Variants in KCTD20 observed in about 807,000 individuals in gnomAD.
The protein encoded by KCTD20 is potassium channel tetramerization domain containing 20, also known as BTB/POZ domain-containing protein KCTD20.
A neutral mutation model predicts 39.6 loss-of-function variants in KCTD20; 30 were observed. That is an observed-to-expected ratio of 0.76 (90% CI 0.57 to 1.03). KCTD20 has a LOEUF of 1.03. KCTD20 is among the 50% of genes least tolerant of loss of function. KCTD20 has a pLI of 0.00. For missense variants in KCTD20, 422 were observed against 522.0 expected (o/e 0.81, Z 1.87); for synonymous variants, 162 against 180.6 (o/e 0.90, Z 0.83).
intron 1 of KCTD20, among the ~76,000 whole-genome samples, chr6:36,457,824 G>C (rs79290516): frequency 1.3e-5 from 2 of 152,164 alleles, no homozygotes; most frequent in African/African-American, 4.8e-5. Flanking sequence ...ATGTTTTTCC[G>C]GGGGTAGGAT....
rs1776483675 is a variant in KCTD20, at chr6:36,488,243, AAATAGCCT to A, written c.*1075_*1082del. ...GGATATCAGTGTATTTTGGTTCTTG[AAATAGCCT>A]AATAGCTGCTCACACATTGGGTAGG... On this transcript the variant is annotated 3_prime_UTR_variant, in exon 8 of 8. Coordinates refer to ENST00000373731, the MANE Select transcript of KCTD20 (RefSeq NM_173562.5). The A allele has an allele frequency of 6.6e-6, 1 of 152,188 alleles. No homozygotes were observed. Among genetic ancestry groups the A allele is most frequent in the African/African-American group, 2.4e-5 (1 of 41,436 alleles). The allele number at this position is 152,188 out of a possible 1,614,324, so 9.4% of individuals were successfully genotyped here.
intron 1 of KCTD20, among the ~76,000 whole-genome samples, chr6:36,458,299 G>A (rs1488651778): frequency 6.6e-6 from 1 of 151,800 alleles, no homozygotes. Flanking sequence ...GCATTTTTGG[G>A]AGGCCGAGGT....
chr6:36,468,807 T>C (rs1464386715), intron 1 of KCTD20, among the ~76,000 whole-genome samples: 1 of 152,220 alleles, frequency 6.6e-6, no homozygotes, highest in Non-Finnish European at 1.5e-5. Flanking sequence ...ATAAGAGCCA[T>C]TGTCTGAGAA....
At chr6:36,477,222 G>C (rs1776089389) in intron 3 of KCTD20, among the ~76,000 whole-genome samples, 1 of 152,204 alleles carries the variant, frequency 6.6e-6, no homozygotes, top group African/African-American at 2.4e-5. Flanking sequence ...GGGAGAAGCT[G>C]AGAGAAAGAG....
At chr6:36,456,578 C>CTTTT (rs58002986) in intron 1 of KCTD20, among the ~76,000 whole-genome samples, 5 of 106,974 alleles carry the variant, frequency 4.7e-5, no homozygotes, top group Non-Finnish European at 7.5e-5. Flanking sequence ...CACGCCCAGG[C>CTTTT]TTTTTTTTTT....
intron 1 of KCTD20, among the ~76,000 whole-genome samples, chr6:36,451,859 GC>G (rs1397075735): frequency 2.0e-5 from 3 of 152,104 alleles, no homozygotes; most frequent in African/African-American, 7.2e-5. Flanking sequence ...TGTCACCCAG[GC>G]AGTGCAGTAG....
intron 1 of KCTD20, among the ~76,000 whole-genome samples, chr6:36,466,318 C>T (rs984977942): frequency 1.3e-5 from 2 of 151,744 alleles, no homozygotes; most frequent in Non-Finnish European, 2.9e-5. Flanking sequence ...CCACCTCAGC[C>T]TCCCAAAGGG....
intron 1 of KCTD20, among the ~76,000 whole-genome samples, chr6:36,462,488 C>T (rs1419597822): frequency 6.6e-6 from 1 of 152,084 alleles, no homozygotes; most frequent in African/African-American, 2.4e-5. Context: ...ACTTGAGGAG[C>T]GTGTTACAAG....
intron 1 of KCTD20, among the ~76,000 whole-genome samples, chr6:36,448,015 G>GTGTATATATATATATA (rs559687288): frequency 7.8e-5 from 10 of 128,946 alleles, no homozygotes; most frequent in African/African-American, 3.1e-4. Flanking sequence ...ATGTGTGTGT[G>GTGTATATATATATATA]TATATATATA....
chr6:36,453,669 C>T (rs1264021472), intron 1 of KCTD20, among the ~76,000 whole-genome samples: 1 of 151,986 alleles, frequency 6.6e-6, no homozygotes, highest in Non-Finnish European at 1.5e-5. Flanking sequence ...CATGCACCAC[C>T]ACACCTGCCA....
chr6:36,471,116 G>A (rs1052579438), intron 2 of KCTD20, among the ~76,000 whole-genome samples: 2 of 146,598 alleles, frequency 1.4e-5, no homozygotes, highest in Non-Finnish European at 3.0e-5. Context: ...ACACCACTGC[G>A]CTCCAGCCTG....
intron 2 of KCTD20, among the ~76,000 whole-genome samples, chr6:36,471,870 A>G (rs1271478603): frequency 6.8e-6 from 1 of 147,474 alleles, no homozygotes; most frequent in Non-Finnish European, 1.5e-5. Context: ...TTTTTTTTAG[A>G]CGGAGCCTCG....
chr6:36,480,803 C>T (rs1228767673), intron 5 of KCTD20, among the ~76,000 whole-genome samples: 2 of 152,156 alleles, frequency 1.3e-5, no homozygotes, highest in Non-Finnish European at 1.5e-5. Context: ...TCTGCCACCT[C>T]GGCCTCCCAA....
chr6:36,476,732 C>G (rs1282489104), intron 3 of KCTD20, among the ~76,000 whole-genome samples: 1 of 152,072 alleles, frequency 6.6e-6, no homozygotes, highest in African/African-American at 2.4e-5. Context: ...CTGGCCACAG[C>G]GAACCACTTT....
chr6:36,480,134 G>A (rs966618998), intron 5 of KCTD20, among the ~76,000 whole-genome samples: 7 of 152,098 alleles, frequency 4.6e-5, no homozygotes, highest in African/African-American at 1.7e-4. Context: ...TCAAGTTTAG[G>A]TTGAAAATCT....
intron 1 of KCTD20, among the ~76,000 whole-genome samples, chr6:36,466,879 G>C (rs1420538598): frequency 6.6e-6 from 1 of 152,090 alleles, no homozygotes; most frequent in East Asian, 1.9e-4. Context: ...GAAGAACTTG[G>C]TATCAGTTTG....
chr6:36,457,713 C>T (rs1193839408), intron 1 of KCTD20, among the ~76,000 whole-genome samples: 1 of 152,036 alleles, frequency 6.6e-6, no homozygotes, highest in Non-Finnish European at 1.5e-5. Context: ...GTGTTAAATG[C>T]AAAACTGTGG....
In KCTD20 at chr6:36,487,432, T is replaced by C. The variant is rs1256356438; in HGVS notation, c.*257T>C. 1.7e-5 allele frequency: 8 copies of C among 470,986 alleles called. No individual in the cohort carries two copies. Among genetic ancestry groups the C allele is most frequent in the Non-Finnish European group, 2.7e-5 (7 of 263,988 alleles). 29.2% of individuals were successfully genotyped at this position (470,986 alleles called of 1,614,324 possible). On this transcript the variant is annotated 3_prime_UTR_variant, in exon 8 of 8. Transcript: ENST00000373731. Reference sequence around the variant, plus strand: ...AAAAATTTGGGTCTGGTGCTGTTCATTGAGTCTTTGTGTAACTGCAAAAGC... The same window carrying C: ...AAAAATTTGGGTCTGGTGCTGTTCACTGAGTCTTTGTGTAACTGCAAAAGC...
At chr6:36,483,548 T>C (rs1776327658) in intron 6 of KCTD20, among the ~76,000 whole-genome samples, 1 of 152,140 alleles carries the variant, frequency 6.6e-6, no homozygotes, top group African/African-American at 2.4e-5. Context: ...AGAATCTTGC[T>C]CTTTCACCCA....
Sources: allele counts gnomAD v4.1 joint callset (sites outside exome capture counted in the v4.1 genomes callset), GRCh38; gene constraint gnomAD v4.1.1; transcripts MANE v1.5; gene names NCBI Gene and HGNC (gene_info 2026-07-23, HGNC 2026-07-21).